The following HELB variants were observed in gnomAD, a reference collection of about 807,000 sequenced individuals.
HELB encodes the protein DNA helicase B.
In HELB, 96 loss-of-function variants were observed where a neutral mutation model predicts 101.7. The ratio of observed to expected loss-of-function variants is 0.94; its 90% CI spans 0.80 to 1.12. The LOEUF (loss-of-function observed/expected upper bound fraction) is 1.12, where lower values mean the gene tolerates loss of function less well. Among genes scored for constraint, HELB ranks in the 50% most tolerant of loss-of-function variants. The probability of loss-of-function intolerance (pLI) is 0.00; values close to 1 mark genes in which losing one functional copy is unlikely to be tolerated. For missense variants in HELB, 1,210 were observed against 1,291.9 expected (o/e 0.94, Z 0.97); for synonymous variants, 437 against 459.7 (o/e 0.95, Z 0.63).
At position 66,324,158 on chromosome 12, in the gene HELB, G is replaced by C. The variant is rs779712412; in HGVS notation, c.2473G>C (p.Asp825His). ...TLPDFAKNKRDFESNVRLCNG... is the reference protein window; with the variant it reads ...TLPDFAKNKRHFESNVRLCNG... ...TCCTGATTTTGCTAAAAATAAGCGT[G>C]ACTTTGAAAGTAACGTTCGACTGTG... The change falls in exon 10 of 13, where the codon GAC (aspartate) becomes CAC (histidine). Residue 825 changes from aspartate to histidine, a missense_variant. Physicochemically the swap from Asp to His is moderately conservative, Grantham distance 81. Around this residue, in one of 2 missense-constraint regions of HELB, gnomAD observed 740 missense variants for 728.8 expected, o/e 1.02. Coordinates refer to ENST00000247815, the MANE Select transcript of HELB (RefSeq NM_001370285.1). 3.7e-6 allele frequency: 6 copies of C among 1,613,802 alleles called. No homozygotes were observed. The highest frequency in any genetic ancestry group is 5.1e-6 in the Non-Finnish European group (6 of 1,179,866).
At chr12:66,322,626 A>G (rs1185140383) in intron 8 of HELB, 98 bp from the exon 9 acceptor site, 2 of 667,396 alleles carry the variant, frequency 3.0e-6, no homozygotes, top group Non-Finnish European at 5.1e-6. Context: ...AAGTCTTGGA[A>G]ACGTTTTGTA....
chr12:66,318,961 C>T (rs1824017332), intron 7 of HELB, among the ~76,000 whole-genome samples, 169 bp downstream of exon 7: 1 of 152,050 alleles, frequency 6.6e-6, no homozygotes, highest in Admixed American at 6.6e-5. Flanking sequence ...AAGCAGAATA[C>T]TCTAGAATTT....
intron 6 of HELB, among the ~76,000 whole-genome samples, chr12:66,318,012 T>G (rs777230964): frequency 2.6e-5 from 4 of 152,078 alleles, no homozygotes; most frequent in Non-Finnish European, 4.4e-5. Context: ...AATATAAGAA[T>G]GAAAGAAGGA....
At chr12:66,333,364 C>T (rs577445705) in intron 12 of HELB, among the ~76,000 whole-genome samples, 2 of 152,038 alleles carry the variant, frequency 1.3e-5, no homozygotes, top group African/African-American at 4.8e-5. Context: ...AATGCAAAGC[C>T]TGGAAAGGGA....
At chr12:66,306,162 C>T (rs1238128326) in intron 2 of HELB, among the ~76,000 whole-genome samples, 183 bp from the exon 3 acceptor site, 2 of 152,130 alleles carry the variant, frequency 1.3e-5, no homozygotes, top group Admixed American at 1.3e-4. Context: ...CAATGAAAAC[C>T]ATCTCAGTAC....
At position 66,325,112 on chromosome 12, in the gene HELB, A is replaced by G. The variant is rs1390726830; in HGVS notation, c.2656A>G (p.Ile886Val). The stretch of plus-strand genomic sequence containing the variant: ...CATAAAACATGCATGGGCAAGAACT[A>G]TTCACACTTTTCAGGTAAGAGGAGA... ...CRIKHAWART[I>V]HTFQGSEEQT... is the part of the protein sequence containing the mutation. Residue 886 changes from isoleucine to valine, a missense_variant, in exon 11 of 13, where the codon ATT becomes GTT. Coordinates refer to ENST00000247815, the MANE Select transcript of HELB (RefSeq NM_001370285.1). The G allele has an allele frequency of 7.5e-6, 12 of 1,606,582 alleles. No individual in the cohort carries two copies. Among genetic ancestry groups the G allele is most frequent in the Non-Finnish European group, 1.0e-5 (12 of 1,174,130 alleles).
chr12:66,332,788 G>A (rs1649309019), intron 12 of HELB, among the ~76,000 whole-genome samples: 1 of 152,184 alleles, frequency 6.6e-6, no homozygotes, highest in South Asian at 2.1e-4. Flanking sequence ...TTGTTCAAAA[G>A]CTTCAGAGAC....
At chr12:66,315,199 T>C in intron 5 of HELB, 43 bp from the exon 6 acceptor site, 2 of 1,427,552 alleles carry the variant, frequency 1.4e-6, no homozygotes. Flanking sequence ...GGGGGTATTT[T>C]TTCTCAGAGT....
At chr12:66,337,793 C>T (rs764324214) in intron 12 of HELB, among the ~76,000 whole-genome samples, 10 of 151,982 alleles carry the variant, frequency 6.6e-5, no homozygotes, top group Non-Finnish European at 1.2e-4. Context: ...AATGCCAGAC[C>T]CAGAGCTGGG....
chr12:66,303,109 A>T lies in HELB; in HGVS notation c.187+319A>T, dbSNP rs1353185931. Among the ~76,000 whole-genome samples the T allele has an allele frequency of 8.9e-3, 438 of 49,080 alleles. 4 individuals are homozygous for T. Among genetic ancestry groups the T allele is most frequent in the Non-Finnish European group, 0.016 (279 of 17,190 alleles). The allele number at this position is 49,080 out of a possible 152,430, so 32.2% of individuals were successfully genotyped here. ...CCCTTTTTTTTTTTTTTTTTTTTTAAAATTATTCTCATTTTAATGGTCGTC... is the reference window on the plus strand; with the variant it reads ...CCCTTTTTTTTTTTTTTTTTTTTTATAATTATTCTCATTTTAATGGTCGTC... On this transcript the variant is annotated intron_variant, in intron 1 of 12. Transcript: ENST00000247815.
chr12:66,337,895 G>A, intron 12 of HELB, 106 bp from the exon 13 acceptor site: 2 of 659,938 alleles, frequency 3.0e-6, no homozygotes, highest in South Asian at 1.9e-5. Context: ...CAAGGGTTGG[G>A]GAAGGTGCAT....
chr12:66,322,153 T>C, intron 8 of HELB, 124 bp downstream of exon 8: 1 of 549,636 alleles, frequency 1.8e-6, no homozygotes, highest in East Asian at 3.2e-5. Context: ...TTTCTTATTT[T>C]GGGGTATGTC....
intron 3 of HELB, among the ~76,000 whole-genome samples, chr12:66,307,888 A>T (rs2136988965): frequency 6.6e-6 from 1 of 151,064 alleles, no homozygotes; most frequent in Admixed American, 6.6e-5. Flanking sequence ...GTGCCACCAC[A>T]CCCAGATAAT....
chr12:66,329,836 T>G (rs2053784527), intron 11 of HELB, among the ~76,000 whole-genome samples: 1 of 152,188 alleles, frequency 6.6e-6, no homozygotes, highest in South Asian at 2.1e-4. Context: ...ATTTTCATAT[T>G]TGAGAATGTA....
At chr12:66,335,569 A>C (rs1312922826) in intron 12 of HELB, among the ~76,000 whole-genome samples, 1 of 152,196 alleles carries the variant, frequency 6.6e-6, no homozygotes, top group East Asian at 1.9e-4. Context: ...TGGTCAAGGA[A>C]AACTTTATTG....
At chr12:66,320,609 T>A (rs1250640938) in intron 7 of HELB, among the ~76,000 whole-genome samples, 1 of 152,014 alleles carries the variant, frequency 6.6e-6, no homozygotes, top group African/African-American at 2.4e-5. Context: ...AATGTACTTT[T>A]AAAAAAAATT....
chr12:66,315,427 G>A, intron 6 of HELB, 44 bp downstream of exon 6: 1 of 1,405,314 alleles, frequency 7.1e-7, no homozygotes, highest in Admixed American at 2.6e-5. Flanking sequence ...TGTTGTATTA[G>A]AAATTTAAAA....
At chr12:66,323,954 T>G in intron 9 of HELB, 29 bp from the exon 10 acceptor site, 3 of 1,466,070 alleles carry the variant, frequency 2.0e-6, no homozygotes, top group Non-Finnish European at 2.9e-6. Flanking sequence ...TTCCAAACTT[T>G]GATTATATAT....
rs1565637014 is a variant in HELB, at chr12:66,310,582, G to C, written c.1654G>C (p.Gly552Arg). 6.2e-7 allele frequency: 1 copy of C among 1,613,536 alleles called. No homozygotes were observed. Among genetic ancestry groups the C allele is most frequent in the Non-Finnish European group, 8.5e-7 (1 of 1,179,824 alleles). ...KAAGLLRQKT[G>R]LHAYTLCQVN... is the part of the protein sequence containing the mutation. ...AGCTGGCTTACTAAGACAGAAAACT[G>C]GTCTTCATGCCTACACACTGTGTCA... The change falls in exon 4 of 13, where the codon GGT becomes CGT. Residue 552 changes from glycine to arginine, a missense_variant. Around this residue, in one of 2 missense-constraint regions of HELB, gnomAD observed 740 missense variants for 728.8 expected, o/e 1.02. Transcript: ENST00000247815.
Sources: gnomAD v4.1 joint callset for allele counts (sites outside exome capture counted in the v4.1 genomes callset) on GRCh38, gnomAD v4.1.1 for gene constraint, gnomAD v4.1.1 regional missense constraint, MANE v1.5 for transcripts, NCBI Gene and HGNC (gene_info 2026-07-23, HGNC 2026-07-21) for gene names.